DMXL1: variants seen among roughly 807,000 people sequenced by gnomAD.
The protein encoded by DMXL1 is dmX-like protein 1.
In DMXL1, 99 loss-of-function variants were observed where a neutral mutation model predicts 319.2. The observed-to-expected ratio is 0.31, with a 90% CI of 0.26 to 0.37. The LOEUF (loss-of-function observed/expected upper bound fraction) is 0.37. DMXL1 is among the 10% of genes least tolerant of loss of function. DMXL1 has a pLI of 1.00. For missense variants in DMXL1, 3,745 were observed against 3,595.6 expected (o/e 1.04, Z -1.06); for synonymous variants, 1,385 against 1,235.2 (o/e 1.12, Z -2.54).
intron 43 of DMXL1, among the ~76,000 whole-genome samples, chr5:119,246,217 T>C (rs1166623559): frequency 1.3e-5 from 2 of 152,210 alleles, no homozygotes; most frequent in Non-Finnish European, 2.9e-5. Context: ...ATAGTTAAAA[T>C]ATAGCTTTGC....
chr5:119,171,735 C>A, intron 24 of DMXL1, 43 bp from the exon 25 acceptor site: 1 of 1,496,232 alleles, frequency 6.7e-7, no homozygotes, highest in Non-Finnish European at 9.1e-7. Context: ...TGGTTTGTAA[C>A]TGTAAATAGT....
intron 13 of DMXL1, among the ~76,000 whole-genome samples, chr5:119,139,696 T>C (rs1766855888): frequency 6.6e-6 from 1 of 152,174 alleles, no homozygotes; most frequent in Non-Finnish European, 1.5e-5. Flanking sequence ...AACACTTCAA[T>C]GTCAGTATTA....
rs1580684699 is a variant in DMXL1 at position 119,098,300 on chromosome 5, A to T, written c.213+196A>T. Among the ~76,000 whole-genome samples the T allele has an allele frequency of 5.3e-5, 8 of 152,342 alleles. No individual in the cohort carries two copies. The South Asian group carries it at 1.7e-3, about 32-fold the overall frequency. On this transcript the variant is annotated intron_variant, in intron 2 of 43. Coordinates refer to ENST00000539542, the MANE Select transcript of DMXL1 (RefSeq NM_001290321.3). Reference sequence around the variant, plus strand: ...CTCTTCTTATATAATTTTAAATTATAGCATCATCTTCTCTGAGAAAGAAAT... The same window carrying T: ...CTCTTCTTATATAATTTTAAATTATTGCATCATCTTCTCTGAGAAAGAAAT...
At chr5:119,192,583 C>T (rs542204360) in intron 29 of DMXL1, among the ~76,000 whole-genome samples, 4 of 152,282 alleles carry the variant, frequency 2.6e-5, no homozygotes, top group African/African-American at 7.2e-5. Flanking sequence ...TTGAGATTCA[C>T]GTGATATCCA....
At chr5:119,159,578 A>C (rs1771816377) in intron 19 of DMXL1, among the ~76,000 whole-genome samples, 2 of 152,200 alleles carry the variant, frequency 1.3e-5, no homozygotes, top group Admixed American at 1.3e-4. Context: ...TATTTGTGGT[A>C]TCAGTTGTAG....
At chr5:119,228,588 G>C (rs1029999529) in intron 38 of DMXL1, among the ~76,000 whole-genome samples, 22 of 152,188 alleles carry the variant, frequency 1.4e-4, no homozygotes, top group African/African-American at 4.6e-4. Flanking sequence ...TGCTTCCCAT[G>C]CAATTTAACA....
chr5:119,075,693 T>G (rs1750681241), intron 1 of DMXL1, among the ~76,000 whole-genome samples: 1 of 151,828 alleles, frequency 6.6e-6, no homozygotes, highest in African/African-American at 2.4e-5. Flanking sequence ...AATTTCCTAC[T>G]GATCTTAGTA....
chr5:119,120,873 C>A (rs954062751), intron 8 of DMXL1, 98 bp from the exon 9 acceptor site: 3 of 954,436 alleles, frequency 3.1e-6, no homozygotes, highest in Non-Finnish European at 4.4e-6. Flanking sequence ...GTAAAATGTT[C>A]TGAGCTAGGA....
intron 1 of DMXL1, among the ~76,000 whole-genome samples, chr5:119,086,625 A>T (rs1753431862): frequency 6.6e-6 from 1 of 152,020 alleles, no homozygotes; most frequent in Non-Finnish European, 1.5e-5. Flanking sequence ...AATTGGTGTT[A>T]GTTCTTCTTT....
At chr5:119,142,517 T>TAAAAA (rs148846123) in intron 13 of DMXL1, among the ~76,000 whole-genome samples, 3 of 62,306 alleles carry the variant, frequency 4.8e-5, no homozygotes, top group South Asian at 4.3e-4. Context: ...TATTAAAAAG[T>TAAAAA]AAAAAAAAAA....
chr5:119,095,475 T>G (rs1360618171), intron 1 of DMXL1, among the ~76,000 whole-genome samples: 2 of 152,246 alleles, frequency 1.3e-5, no homozygotes, highest in Admixed American at 6.5e-5. Context: ...GGGAAAATTT[T>G]GGGTCATGTT....
At chr5:119,124,608 C>G (rs1354901391) in intron 9 of DMXL1, among the ~76,000 whole-genome samples, 1 of 143,650 alleles carries the variant, frequency 7.0e-6, no homozygotes, top group African/African-American at 2.6e-5. Context: ...GCTCTGTCGC[C>G]AAGCTGGAGT....
At chr5:119,132,905 G>C (rs1237818201) in intron 10 of DMXL1, 3 of 596,738 alleles carry the variant, frequency 5.0e-6, no homozygotes, top group Non-Finnish European at 6.0e-6. Context: ...GTATGCTCTG[G>C]AGCATTATCA....
rs768642909 is a variant in DMXL1 at position 119,178,226 on chromosome 5, C to A, written c.7117C>A (p.His2373Asn). Residue 2373 changes from histidine to asparagine, a missense_variant, in exon 28 of 44, where the codon CAT becomes AAT. Transcript: ENST00000539542. ...ACATGTTCCTAGCAAAGAACAGACA[C>A]ATTCAAAAACTTTACCTGGTGAGTT... ...GAHVPSKEQT[H>N]SKTLPVSSLV... 4 of 1,613,110 alleles carry A rather than the reference C, an allele frequency of 2.5e-6. No individual in the cohort carries two copies. The highest frequency in any genetic ancestry group is 2.2e-5 in the South Asian group (2 of 90,892).
chr5:119,196,536 G>A, intron 31 of DMXL1, 80 bp downstream of exon 31: 7 of 844,054 alleles, frequency 8.3e-6, no homozygotes, highest in Non-Finnish European at 1.3e-5. Context: ...TTTTTTTTTG[G>A]TCTGGACTGG....
chr5:119,089,170 A>G (rs1413610559), intron 1 of DMXL1, among the ~76,000 whole-genome samples: 2 of 149,096 alleles, frequency 1.3e-5, no homozygotes, highest in Non-Finnish European at 3.0e-5. Flanking sequence ...TTTGTCTTTT[A>G]GCATTTTGAA....
At chr5:119,129,725 A>G (rs1764390529) in intron 10 of DMXL1, among the ~76,000 whole-genome samples, 1 of 152,226 alleles carries the variant, frequency 6.6e-6, no homozygotes, top group Non-Finnish European at 1.5e-5. Flanking sequence ...GTTAGAATGC[A>G]TGTCTCAAGG....
At chr5:119,117,357 C>T (rs1006260768) in intron 7 of DMXL1, among the ~76,000 whole-genome samples, 1 of 152,122 alleles carries the variant, frequency 6.6e-6, no homozygotes, top group African/African-American at 2.4e-5. Flanking sequence ...CCATTTTGTA[C>T]TATATGGCCA....
At chr5:119,102,365 G>A (rs1371180280) in intron 3 of DMXL1, among the ~76,000 whole-genome samples, 1 of 152,062 alleles carries the variant, frequency 6.6e-6, no homozygotes, top group Non-Finnish European at 1.5e-5. Context: ...CCTTTATACA[G>A]GTTTTCTGCC....
Sources: gnomAD v4.1 joint callset for allele counts (sites outside exome capture counted in the v4.1 genomes callset) on GRCh38, gnomAD v4.1.1 for gene constraint, MANE v1.5 for transcripts, NCBI Gene and HGNC (gene_info 2026-07-23, HGNC 2026-07-21) for gene names.